Variants in SCAP observed in about 807,000 individuals in gnomAD.
SCAP encodes the protein SREBF chaperone, also known as sterol regulatory element-binding protein cleavage-activating protein.
Under a neutral mutation model 123.6 loss-of-function variants are expected in SCAP, and 65 were observed. The ratio of observed to expected loss-of-function variants is 0.53; its 90% CI spans 0.43 to 0.65. The LOEUF is 0.65. Among genes scored for constraint, SCAP ranks in the 30% least tolerant of loss-of-function variants. SCAP has a pLI of 0.00. For missense variants in SCAP, 1,398 were observed against 1,712.5 expected (o/e 0.82, Z 3.24); for synonymous variants, 740 against 726.3 (o/e 1.02, Z -0.30).
intron 1 of SCAP, among the ~76,000 whole-genome samples, chr3:47,455,594 C>CAAAAAAAAAAAAA (rs544006040): frequency 2.4e-5 from 1 of 42,432 alleles, no homozygotes; most frequent in Non-Finnish European, 5.0e-5. Context: ...GACTCCACCT[C>CAAAAAAAAAAAAA]AAAAAAAAAA....
chr3:47,422,452 G>T lies in SCAP; in HGVS notation c.1235C>A (p.Pro412His), dbSNP rs1205603932. The T allele has an allele frequency of 6.2e-7, 1 of 1,613,252 alleles. No individual in the cohort carries two copies. Among genetic ancestry groups the T allele is most frequent in the East Asian group, 2.2e-5 (1 of 44,894 alleles). ...IILIGYFTLV[P>H]AIQEFCLFAV... is the part of the protein sequence containing the mutation. ...GCCTTGGGGCCTTACCTGGATGGCG[G>T]GCACTAGGGTGAAGTAGCCGATGAG... Residue 412 changes from proline (P) to histidine (H), a missense_variant, in exon 10 of 23, where the codon CCC becomes CAC. Transcript: ENST00000265565.
intron 1 of SCAP, among the ~76,000 whole-genome samples, chr3:47,461,267 T>C (rs1308030598): frequency 6.6e-6 from 1 of 152,210 alleles, no homozygotes; most frequent in Admixed American, 6.5e-5. Flanking sequence ...ATGGTGCTCA[T>C]TCCCAAATAT....
At chr3:47,461,959 A>G (rs1323266225) in intron 1 of SCAP, among the ~76,000 whole-genome samples, 3 of 152,050 alleles carry the variant, frequency 2.0e-5, no homozygotes, top group East Asian at 3.9e-4. Flanking sequence ...ACTTAAACCC[A>G]GGAGGCAAAG....
At position 47,427,462 on chromosome 3, in the gene SCAP, A is replaced by C. The variant is rs1256003084; in HGVS notation, c.616T>G (p.Ser206Ala). ...HQHEPKTLQT[S>A]ATLKDLLFGV... The stretch of plus-strand genomic sequence containing the variant: ...CTGGGGCTACCTTTGAGTGTGGCTG[A>C]AGTCTGCAGGGTTTTAGGCTCGTGC... The change falls in exon 5 of 23, where the codon TCA (serine) becomes GCA (alanine). Residue 206 changes from serine to alanine, a missense_variant. Around this residue, in one of 7 missense-constraint regions of SCAP, gnomAD observed 319 missense variants for 432.4 expected, o/e 0.74. Transcript: ENST00000265565. 6.2e-7 allele frequency: 1 copy of C among 1,614,068 alleles called. No individual in the cohort carries two copies.
intron 8 of SCAP, chr3:47,425,174 T>G: frequency 3.5e-6 from 1 of 284,962 alleles, no homozygotes; most frequent in South Asian, 6.8e-5. Context: ...CAAATCCGAC[T>G]ACACACATGC....
chr3:47,455,649 A>C (rs542136072), intron 1 of SCAP, among the ~76,000 whole-genome samples: 1 of 152,024 alleles, frequency 6.6e-6, no homozygotes, highest in African/African-American at 2.4e-5. Context: ...ACTCCGAAAG[A>C]CAGAAAAGAT....
At chr3:47,460,093 G>A (rs1356844533) in intron 1 of SCAP, among the ~76,000 whole-genome samples, 1 of 152,180 alleles carries the variant, frequency 6.6e-6, no homozygotes, top group African/African-American at 2.4e-5. Flanking sequence ...TATTCTGCCA[G>A]ACCCCACAGG....
chr3:47,417,364 G>A lies in SCAP; in HGVS notation c.2910C>T (p.Ile970=), dbSNP rs773901227. The change falls in exon 17 of 23, where the codon ATC becomes ATT. Residue 970 remains isoleucine (I), a synonymous_variant. Coordinates refer to ENST00000265565, the MANE Select transcript of SCAP (RefSeq NM_012235.4). ...GGTTGCCCTGCAGCTCCAAGCTCCAGATGGAACCCTCGGCACTGGGGGCCC... is the reference window on the plus strand; with the variant it reads ...GGTTGCCCTGCAGCTCCAAGCTCCAAATGGAACCCTCGGCACTGGGGGCCC... ...LAWAPSAEGS[I]WSLELQGNLI... The A allele has an allele frequency of 2.5e-6, 4 of 1,609,958 alleles. No homozygotes were observed. In the African/African-American group the frequency reaches 5.3e-5, roughly 22 times the overall value.
rs532382652 is a variant in SCAP, at chr3:47,475,851, G to T, written c.-151C>A. ...GGCGGCGGCGGCGGCGGCGACGGGG[G>T]CGGCAGCAGGGGCGGAGCGCGGCGT... On this transcript the variant is annotated 5_prime_UTR_variant, in exon 1 of 23. Transcript: ENST00000265565. The T allele has an allele frequency of 1.2e-5, 2 of 161,046 alleles. No individual in the cohort carries two copies. The highest frequency in any genetic ancestry group is 2.7e-5 in the Non-Finnish European group (2 of 75,040). 10.0% of individuals were successfully genotyped at this position (161,046 alleles called of 1,614,324 possible).
At chr3:47,434,953 A>G (rs1473116723) in intron 3 of SCAP, 55 bp downstream of exon 3, 1 of 1,610,738 alleles carries the variant, frequency 6.2e-7, no homozygotes, top group Non-Finnish European at 8.5e-7. Flanking sequence ...CCCCTGCCTC[A>G]GCCAGTCTCC....
At chr3:47,424,703 T>C (rs1576263362) in intron 8 of SCAP, among the ~76,000 whole-genome samples, 1 of 152,096 alleles carries the variant, frequency 6.6e-6, no homozygotes, top group African/African-American at 2.4e-5. Flanking sequence ...GGGAGGGTGG[T>C]GTTTAACAGT....
intron 1 of SCAP, among the ~76,000 whole-genome samples, chr3:47,460,329 C>G (rs1211122274): frequency 6.6e-6 from 1 of 152,038 alleles, no homozygotes. Flanking sequence ...ATTTTGGGAA[C>G]TGATAAATGT....
intron 1 of SCAP, among the ~76,000 whole-genome samples, chr3:47,463,864 G>C (rs539862194): frequency 5.9e-5 from 9 of 152,034 alleles, no homozygotes; most frequent in Admixed American, 5.9e-4. Flanking sequence ...TTTGAGATAG[G>C]GTCTTGCTCT....
chr3:47,416,172 G>T (rs1160703290), intron 18 of SCAP, among the ~76,000 whole-genome samples: 1 of 152,226 alleles, frequency 6.6e-6, no homozygotes, highest in Non-Finnish European at 1.5e-5. Flanking sequence ...GAGCCTTGGA[G>T]GAGGAGCCAG....
intron 9 of SCAP, among the ~76,000 whole-genome samples, chr3:47,423,255 C>T (rs1367862613): frequency 6.6e-6 from 1 of 152,216 alleles, no homozygotes; most frequent in Non-Finnish European, 1.5e-5. Flanking sequence ...CCCTAGAACC[C>T]CAGATCCCCA....
intron 1 of SCAP, among the ~76,000 whole-genome samples, chr3:47,472,149 T>G (rs1193194387): frequency 6.6e-6 from 1 of 151,646 alleles, no homozygotes; most frequent in Non-Finnish European, 1.5e-5. Context: ...AATAATTAAA[T>G]GGGGCCGGGC....
rs371942334 is a variant in SCAP at position 47,421,009 on chromosome 3, G to A, written c.1266C>T (p.Val422=). The change falls in exon 11 of 23, where the codon GTC becomes GTT. Residue 422 remains valine (V), a synonymous_variant. Coordinates refer to ENST00000265565, the MANE Select transcript of SCAP (RefSeq NM_012235.4). ...GGAAGAAGTCAGACACCAGCCCCAC[G>A]ACAGCAAAGAGACAGAACTCCTGGA... The part of the protein sequence containing the change: ...PAIQEFCLFA[V]VGLVSDFFLQ... 187 of 1,613,746 alleles carry A rather than the reference G, an allele frequency of 1.2e-4. No individual in the cohort carries two copies. The highest frequency in any genetic ancestry group is 1.4e-4 in the Non-Finnish European group (162 of 1,179,934).
chr3:47,422,543 A>G lies in SCAP; in HGVS notation c.1151-7T>C. On this transcript the variant is annotated splice_polypyrimidine_tract_variant and splice_region_variant and intron_variant, in intron 9 of 22. Transcript: ENST00000265565. ...CAGCTCTCGCTGCTTAGGCCTGCAG[A>G]GGGCAGCAACAGGGCACAGGGCAAC... is the stretch of plus-strand genomic sequence containing the variant. 2 of 1,608,676 alleles carry G rather than the reference A, an allele frequency of 1.2e-6. No homozygotes were observed. Among genetic ancestry groups the G allele is most frequent in the Non-Finnish European group, 1.7e-6 (2 of 1,176,578 alleles).
intron 21 of SCAP, 31 bp downstream of exon 21, chr3:47,414,541 G>A (rs375902501): frequency 2.0e-5 from 33 of 1,612,096 alleles, no homozygotes; most frequent in Non-Finnish European, 2.5e-5. Context: ...CACAGACTCT[G>A]TACCCCCTAC....
Sources: allele counts gnomAD v4.1 joint callset (sites outside exome capture counted in the v4.1 genomes callset), GRCh38; gene constraint gnomAD v4.1.1; regional missense constraint gnomAD v4.1.1; transcripts MANE v1.5; gene names NCBI Gene and HGNC (gene_info 2026-07-23, HGNC 2026-07-21).